JPH2: variants seen among roughly 807,000 people sequenced by gnomAD.
The protein encoded by JPH2 is junctophilin 2.
Under a neutral mutation model 55.9 loss-of-function variants are expected in JPH2, and 38 were observed. That is an observed-to-expected ratio of 0.68 (90% confidence interval 0.52 to 0.89). The LOEUF is 0.89. JPH2 is among the 40% of genes least tolerant of loss of function. JPH2 has a pLI of 0.00. For missense variants in JPH2, 964 were observed against 1,037.6 expected (o/e 0.93, Z 0.97); for synonymous variants, 480 against 472.4 (o/e 1.02, Z -0.21).
chr20:44,166,524 C>A (rs2072656960), intron 1 of JPH2, among the ~76,000 whole-genome samples: 1 of 152,160 alleles, frequency 6.6e-6, no homozygotes, highest in Non-Finnish European at 1.5e-5. Flanking sequence ...TCCCTTTAAG[C>A]CCAAGAAAAA....
Position 44,115,700 on chromosome 20 carries a change from CGGCCTCCTTCCGCGCCTTCTTCTT to C in JPH2, c.1951_1974del (p.Lys651_Ala658del). On this transcript the variant is annotated inframe_deletion, in exon 4 of 6. Transcript: ENST00000372980. ...TCCACCTCCGCCTCTGCCGCCAGTG[CGGCCTCCTTCCGCGCCTTCTTCTT>C]GGCCCCCGCCTTGGTCAGCCCTCGA... 9 of 1,613,316 alleles carry C rather than the reference CGGCCTCCTTCCGCGCCTTCTTCTT, an allele frequency of 5.6e-6. No homozygotes were observed. Among genetic ancestry groups the C allele is most frequent in the Non-Finnish European group, 7.6e-6 (9 of 1,180,036 alleles).
intron 1 of JPH2, among the ~76,000 whole-genome samples, chr20:44,175,483 C>T (rs1357892873): frequency 6.6e-6 from 1 of 152,232 alleles, no homozygotes; most frequent in African/African-American, 2.4e-5. Flanking sequence ...GCACCAAAGT[C>T]CCTTCCCATG....
intron 2 of JPH2, among the ~76,000 whole-genome samples, chr20:44,145,087 T>C (rs921012263): frequency 6.6e-5 from 10 of 152,136 alleles, no homozygotes; most frequent in African/African-American, 2.4e-4. Flanking sequence ...TCACTGACCC[T>C]GGGGCAGCCA....
In JPH2 at chr20:44,161,649, T is replaced by G. The variant is rs193081613; in HGVS notation, c.380-1242A>C. On this transcript the variant is annotated intron_variant, in intron 1 of 5. Transcript: ENST00000372980. Reference sequence around the variant, plus strand: ...CCGAAAAACTCTGAAAGCAAAGATATGTGTGTGATACTGTGATTCTACAAA... The same window carrying G: ...CCGAAAAACTCTGAAAGCAAAGATAGGTGTGTGATACTGTGATTCTACAAA... Among the ~76,000 whole-genome samples the G allele has an allele frequency of 1.7e-3, 262 of 152,060 alleles. 1 individual carries two copies. Among genetic ancestry groups the G allele is most frequent in the African/African-American group, 6.0e-3 (249 of 41,520 alleles).
At chr20:44,125,113 CA>C (rs11299035) in intron 2 of JPH2, among the ~76,000 whole-genome samples, 79,539 of 117,880 alleles carry the variant, frequency 0.67, 23,848 homozygotes, top group Admixed American at 0.73. Context: ...GACTCTGGCT[CA>C]AAAAAAAAAA....
Position 44,160,271 on chromosome 20 carries a change from G to A in JPH2, c.516C>T (p.Asn172=), listed in dbSNP as rs2072600712. Residue 172 remains asparagine (N), a synonymous_variant, in exon 2 of 6, where the codon AAC becomes AAT. Coordinates refer to ENST00000372980, the MANE Select transcript of JPH2 (RefSeq NM_020433.5). This position sits in a 1 kb window ranked among gnomAD's most constrained non-coding sequence, Gnocchi z 4.9. ...CGGGAGAGTCCGGGGCCACCGTGCC[G>A]TTGCTGTGCTCGCTGCGCAGGGACG... ...SLSSLRSEHS[N]GTVAPDSPAS... is the part of the protein sequence containing the mutation. The A allele has an allele frequency of 3.3e-6, 5 of 1,533,790 alleles. No homozygotes were observed. Among genetic ancestry groups the A allele is most frequent in the South Asian group, 2.4e-5 (2 of 83,808 alleles).
At chr20:44,114,603 T>C (rs867623924) in intron 5 of JPH2, among the ~76,000 whole-genome samples, 179 bp downstream of exon 5, 4 of 117,558 alleles carry the variant, frequency 3.4e-5, no homozygotes, top group African/African-American at 1.3e-4. Flanking sequence ...TGTGTGTGTG[T>C]GTGTGTGCGC....
chr20:44,186,616 T>C lies in JPH2; in HGVS notation c.90A>G (p.Thr30=). The C allele has an allele frequency of 6.2e-7, 1 of 1,612,940 alleles. No individual in the cohort carries two copies. Among genetic ancestry groups the C allele is most frequent in the Non-Finnish European group, 8.5e-7 (1 of 1,179,990 alleles). ...GGKAHGHGLC[T]GPKGQGEYSG... ...AGTATTCGCCCTGGCCCTTGGGGCCTGTGCACAGTCCATGCCCATGGGCCT... is the reference window on the plus strand; with the variant it reads ...AGTATTCGCCCTGGCCCTTGGGGCCCGTGCACAGTCCATGCCCATGGGCCT... The change falls in exon 1 of 6, where the codon ACA becomes ACG. Residue 30 remains threonine, a synonymous_variant. Coordinates refer to ENST00000372980, the MANE Select transcript of JPH2 (RefSeq NM_020433.5).
intron 2 of JPH2, among the ~76,000 whole-genome samples, chr20:44,153,509 C>T (rs536417068): frequency 3.4e-4 from 52 of 152,182 alleles, no homozygotes; most frequent in Non-Finnish European, 6.5e-4. Context: ...TGATCAGCTT[C>T]GGAGTTTCCA....
chr20:44,186,801 G>A lies in JPH2; in HGVS notation c.-96C>T. On this transcript the variant is annotated 5_prime_UTR_variant, in exon 1 of 6. Transcript: ENST00000372980. ...ACTCCTCCAGTGCCCTCGGGGGCAG[G>A]CCCCCAGACTCACCACTGCACCCCA... 3 of 1,265,644 alleles carry A rather than the reference G, an allele frequency of 2.4e-6. No individual in the cohort carries two copies. The South Asian group carries it at 3.6e-5, about 15-fold the overall frequency. The allele number at this position is 1,265,644 out of a possible 1,614,324, so 78.4% of individuals were successfully genotyped here. A position where few individuals can be genotyped will look rare whatever the true frequency, so the allele number is the denominator to read the frequency against.
At chr20:44,157,090 G>A (rs1023494184) in intron 2 of JPH2, among the ~76,000 whole-genome samples, 4 of 152,156 alleles carry the variant, frequency 2.6e-5, no homozygotes, top group Non-Finnish European at 5.9e-5. Flanking sequence ...ATTGTACGAT[G>A]ACAATGACTA....
intron 2 of JPH2, among the ~76,000 whole-genome samples, chr20:44,133,759 T>C (rs1359833245): frequency 6.7e-6 from 1 of 149,132 alleles, no homozygotes; most frequent in African/African-American, 2.5e-5. Flanking sequence ...TTCCATCTGA[T>C]GCTCTCCAAT....
Position 44,115,768 on chromosome 20 carries a change from T to C in JPH2, c.1907A>G (p.Lys636Arg). The change falls in exon 4 of 6, where the codon AAG (lysine) becomes AGG (arginine). Residue 636 changes from lysine to arginine, a missense_variant. Lys to Arg is a conservative substitution (Grantham distance 26). Coordinates refer to ENST00000372980, the MANE Select transcript of JPH2 (RefSeq NM_020433.5). ...PIIPKAEPRA[K>R]ARKTEARGLT... Reference sequence around the variant, plus strand: ...CCCTCGAGCCTCAGTCTTGCGGGCCTTGGCCCTGGGCTCGGCTTTGGGGAT... The same window carrying C: ...CCCTCGAGCCTCAGTCTTGCGGGCCCTGGCCCTGGGCTCGGCTTTGGGGAT... 3.7e-6 allele frequency: 6 copies of C among 1,612,234 alleles called. No homozygotes were observed. The highest frequency in any genetic ancestry group is 5.1e-6 in the Non-Finnish European group (6 of 1,179,938).
At position 44,134,689 on chromosome 20, in the gene JPH2, A is replaced by ACATT. The variant is rs1173325659; in HGVS notation, c.1170-16067_1170-16066insAATG. ...ATAAATATATATTTATAAATATTAT[A>ACATT]AATATATATACATTAATATATATTA... is the stretch of plus-strand genomic sequence containing the variant. On this transcript the variant is annotated intron_variant, in intron 2 of 5. Transcript: ENST00000372980. Among the ~76,000 whole-genome samples the ACATT allele has an allele frequency of 1.1e-3, 56 of 48,906 alleles. 2 individuals are homozygous for ACATT. Among genetic ancestry groups the ACATT allele is most frequent in the African/African-American group, 2.9e-3 (30 of 10,376 alleles). 32.1% of individuals were successfully genotyped at this position (48,906 alleles called of 152,430 possible).
At chr20:44,118,697 C>A in intron 2 of JPH2, 74 bp from the exon 3 acceptor site, 1 of 1,167,636 alleles carries the variant, frequency 8.6e-7, no homozygotes, top group Non-Finnish European at 1.3e-6. Flanking sequence ...CCCCAACCCA[C>A]AAAGAGACAT....
At chr20:44,183,995 AT>A in intron 1 of JPH2, among the ~76,000 whole-genome samples, 1 of 149,172 alleles carries the variant, frequency 6.7e-6, no homozygotes, top group East Asian at 2.0e-4. Context: ...CTACCAAAAA[AT>A]TAAAAAAAAA....
At chr20:44,118,153 A>G (rs2072207500) in intron 3 of JPH2, among the ~76,000 whole-genome samples, 2 of 152,210 alleles carry the variant, frequency 1.3e-5, no homozygotes, top group Non-Finnish European at 2.9e-5. Context: ...ACAGTGCTCA[A>G]TGCTTGACTG....
chr20:44,126,134 A>AAGAGAGAG (rs141811286), intron 2 of JPH2, among the ~76,000 whole-genome samples: 1 of 50,292 alleles, frequency 2.0e-5, no homozygotes, highest in African/African-American at 8.2e-5. Flanking sequence ...TCAGAAGAAA[A>AAGAGAGAG]AGAGAGAGGG....
chr20:44,145,582 C>A (rs1480402697), intron 2 of JPH2, among the ~76,000 whole-genome samples: 1 of 147,744 alleles, frequency 6.8e-6, no homozygotes, highest in Admixed American at 6.8e-5. Flanking sequence ...CTAGCCTGAG[C>A]GACAGAGTGA....
Sources: gnomAD v4.1 joint callset for allele counts (sites outside exome capture counted in the v4.1 genomes callset) on GRCh38, gnomAD v4.1.1 for gene constraint, Gnocchi (gnomAD v3.1) non-coding constraint, MANE v1.5 for transcripts, NCBI Gene and HGNC (gene_info 2026-07-23, HGNC 2026-07-21) for gene names.